The following ARHGAP22 variants were observed in gnomAD, a reference collection of about 807,000 sequenced individuals.
ARHGAP22 encodes Rho GTPase activating protein 22, also known as rho GTPase-activating protein 22.
A neutral mutation model predicts 59.1 loss-of-function variants in ARHGAP22; 48 were observed. The observed-to-expected ratio is 0.81, with a 90% CI of 0.64 to 1.03. ARHGAP22 has a LOEUF of 1.03. Ranked by LOEUF, ARHGAP22 falls within the 50% of genes least tolerant of loss-of-function variation. The pLI is 0.00. For missense variants in ARHGAP22, 1,015 were observed against 958.7 expected, an observed-to-expected ratio of 1.06 and a Z score of -0.78; for synonymous variants, 445 against 416.4, an observed-to-expected ratio of 1.07 and a Z score of -0.84.
chr10:48,643,760 A>ATATAT (rs1413615446), intron 1 of ARHGAP22, among the ~76,000 whole-genome samples: 9 of 141,278 alleles, frequency 6.4e-5, no homozygotes, highest in African/African-American at 2.5e-4. Flanking sequence ...ATTAAAAAAA[A>ATATAT]AAAAATATAT....
intron 3 of ARHGAP22, among the ~76,000 whole-genome samples, chr10:48,508,529 G>A (rs1036640561): frequency 6.6e-6 from 1 of 152,264 alleles, no homozygotes; most frequent in Admixed American, 6.5e-5. Context: ...GCCAGGACCA[G>A]CAAAGTCACC....
chr10:48,593,586 G>A (rs2059894062), intron 1 of ARHGAP22, among the ~76,000 whole-genome samples: 3 of 152,226 alleles, frequency 2.0e-5, no homozygotes, highest in African/African-American at 7.2e-5. Context: ...CAGCTGAGAT[G>A]GCTACTAAGT....
At chr10:48,434,861 C>T in the ARHGAP22 span, 6 of 1,586,300 alleles carry the variant, frequency 3.8e-6, no homozygotes, top group East Asian at 9.2e-5. Context: ...AACTGATTTG[C>T]TGTTTTGTTT....
chr10:48,584,310 T>A (rs533826925), intron 1 of ARHGAP22, among the ~76,000 whole-genome samples: 3 of 152,354 alleles, frequency 2.0e-5, no homozygotes, highest in South Asian at 4.1e-4. Context: ...TCTGCCCATG[T>A]GGTCCCACTA....
chr10:48,493,606 GCTGCCTGTGTGCT>G, intron 3 of ARHGAP22: 1 of 1,471,958 alleles, frequency 6.8e-7, no homozygotes, highest in Admixed American at 2.2e-5. Flanking sequence ...CGGCCACTCG[GCTGCCTGTGTGCT>G]CTGCCTGTGG....
At position 48,599,218 on chromosome 10, in the gene ARHGAP22, T is replaced by G. The variant is rs115977620; in HGVS notation, c.34+5545A>C. ...GCTTTCAAAGAGGTAGGTCAAAGCC[T>G]GCTACCATGGACCGAGAAATGTTGA... is the stretch of plus-strand genomic sequence containing the variant. On this transcript the variant is annotated intron_variant, in intron 1 of 9. Coordinates refer to ENST00000249601, the MANE Select transcript of ARHGAP22 (RefSeq NM_021226.4). 5.9e-3 allele frequency among the ~76,000 whole-genome samples: 896 copies of G among 152,292 alleles called. 8 individuals carry two copies. The highest frequency in any genetic ancestry group is 0.02 in the African/African-American group (848 of 41,556).
chr10:48,587,887 C>A (rs1481520253), intron 1 of ARHGAP22, among the ~76,000 whole-genome samples: 1 of 152,346 alleles, frequency 6.6e-6, no homozygotes, highest in South Asian at 2.1e-4. Flanking sequence ...CAGTCCAGCT[C>A]CTCTGAGCAC....
chr10:48,604,861 G>T lies in ARHGAP22; in HGVS notation c.-65C>A, dbSNP rs1263888893. ...TGCTGTCATCCACTTGCTTTTGCTC[G>T]TCCTCGCGCCTAGTCGCCCCTCATG... On this transcript the variant is annotated 5_prime_UTR_variant, in exon 1 of 10. Coordinates refer to ENST00000249601, the MANE Select transcript of ARHGAP22 (RefSeq NM_021226.4). 6.2e-6 allele frequency: 10 copies of T among 1,612,586 alleles called. No individual in the cohort carries two copies. Among genetic ancestry groups the T allele is most frequent in the African/African-American group, 1.3e-5 (1 of 74,884 alleles).
At chr10:48,460,198 T>G (rs10776604) in intron 4 of ARHGAP22, among the ~76,000 whole-genome samples, 137,601 of 152,236 alleles carry the variant, frequency 0.9, 63,656 homozygotes, top group East Asian at 1. Context: ...TTGGGAGCGT[T>G]CATTATGCCT....
At chr10:48,543,469 C>T (rs2056154018) in intron 3 of ARHGAP22, among the ~76,000 whole-genome samples, 1 of 151,798 alleles carries the variant, frequency 6.6e-6, no homozygotes, top group Admixed American at 6.6e-5. Flanking sequence ...GGACTCAAGG[C>T]AAAAATAAAC....
At chr10:48,485,016 T>C (rs548632779) in intron 3 of ARHGAP22, among the ~76,000 whole-genome samples, 8 of 152,230 alleles carry the variant, frequency 5.3e-5, no homozygotes, top group Non-Finnish European at 7.3e-5. Flanking sequence ...CTGTCACAAC[T>C]ACTTTACTCT....
upstream of ARHGAP22, chr10:48,605,221 G>C (rs1354634856): frequency 4.3e-6 from 4 of 939,628 alleles, no homozygotes; most frequent in African/African-American, 7.2e-5. Context: ...CTGGGGTTCC[G>C]GCCATCCTTT....
chr10:48,526,059 G>A (rs2054294545), intron 3 of ARHGAP22, among the ~76,000 whole-genome samples: 1 of 152,138 alleles, frequency 6.6e-6, no homozygotes, highest in Admixed American at 6.5e-5. Flanking sequence ...CCTGAAGCAG[G>A]GCTGTGGTCC....
At chr10:48,430,799 A>C in the ARHGAP22 span, 2 of 212,672 alleles carry the variant, frequency 9.4e-6, no homozygotes, top group Non-Finnish European at 1.8e-5. Flanking sequence ...GCTCTATTCC[A>C]GGGCCCAGGA....
At chr10:48,526,670 A>C (rs1049025730) in intron 3 of ARHGAP22, among the ~76,000 whole-genome samples, 4 of 152,244 alleles carry the variant, frequency 2.6e-5, no homozygotes, top group Admixed American at 1.3e-4. Flanking sequence ...TTGGAAAGCA[A>C]GATTTAAAAG....
intron 3 of ARHGAP22, among the ~76,000 whole-genome samples, chr10:48,524,907 A>T (rs996547399): frequency 2.6e-5 from 4 of 152,172 alleles, no homozygotes; most frequent in African/African-American, 9.7e-5. Flanking sequence ...CCCACCTATA[A>T]AACAGAGAAG....
At chr10:48,497,408 T>A (rs2051050360) in intron 3 of ARHGAP22, among the ~76,000 whole-genome samples, 1 of 152,202 alleles carries the variant, frequency 6.6e-6, no homozygotes, top group Admixed American at 6.5e-5. Context: ...AGGAGGCTGA[T>A]GACTCACTTC....
intron 3 of ARHGAP22, among the ~76,000 whole-genome samples, chr10:48,519,086 C>T (rs1356754666): frequency 6.6e-6 from 1 of 152,104 alleles, no homozygotes; most frequent in Non-Finnish European, 1.5e-5. Flanking sequence ...TGTGCAGGCC[C>T]CTAGGGACAG....
intron 3 of ARHGAP22, among the ~76,000 whole-genome samples, chr10:48,521,339 A>C (rs2053791831): frequency 6.6e-6 from 1 of 152,204 alleles, no homozygotes; most frequent in African/African-American, 2.4e-5. Flanking sequence ...CTCCTGGATA[A>C]AGCCCAGGAT....
Sources: allele counts gnomAD v4.1 joint callset (sites outside exome capture counted in the v4.1 genomes callset), GRCh38; gene constraint gnomAD v4.1.1; transcripts MANE v1.5; gene names NCBI Gene and HGNC (gene_info 2026-07-23, HGNC 2026-07-21).